Variants in TTC14 observed in about 807,000 individuals in gnomAD.
The protein encoded by TTC14 is tetratricopeptide repeat domain 14.
A neutral mutation model predicts 79.9 loss-of-function variants in TTC14; 63 were observed. That is an observed-to-expected ratio of 0.79 (90% CI 0.64 to 0.97). The LOEUF is 0.97. TTC14 is among the 50% of genes least tolerant of loss of function. TTC14 has a pLI of 0.00. For synonymous variants in TTC14, 335 were observed against 309.6 expected (o/e 1.08, Z -0.86); for missense variants, 895 against 894.0 (o/e 1.00, Z -0.01).
rs773189907 is a variant in TTC14, at chr3:180,603,180, C to A, written c.343C>A (p.Arg115=). The change falls in exon 3 of 12, where the codon CGG becomes AGG. Residue 115 remains arginine, a synonymous_variant. Transcript: ENST00000296015. The part of the protein sequence containing the change: ...EQFMEIPSMD[R]RELFFRDIER... ...ATTCATGGAGATACCTAGTATGGAT[C>A]GGAGAGAGCTGTTTTTCCGAGATAT... is the stretch of plus-strand genomic sequence containing the variant. 8 of 1,613,646 alleles carry A rather than the reference C, an allele frequency of 5.0e-6. No homozygotes were observed. In the African/African-American group the frequency reaches 9.4e-5, roughly 19 times the overall value.
intron 12 of TTC14, chr3:180,616,763 A>G: frequency 1.3e-6 from 2 of 1,582,930 alleles, no homozygotes; most frequent in Non-Finnish European, 1.7e-6. Context: ...TTAATAGATG[A>G]AGGAGGATTT....
downstream of TTC14, chr3:180,613,852 CT>C (rs1202356455): frequency 4.4e-6 from 2 of 455,224 alleles, no homozygotes; most frequent in South Asian, 1.6e-5. Context: ...TTTGCTATGC[CT>C]TTTTCCTATT....
rs1348433557 is a variant in TTC14, at chr3:180,608,539, A to G, written c.1291-162A>G. ...ATGACTAATGCCAAACATCTGTATG[A>G]CTAATTTTTTTATGTTAAAAAAATA... is the stretch of plus-strand genomic sequence containing the variant. On this transcript the variant is annotated intron_variant, in intron 10 of 11. Coordinates refer to ENST00000296015, the MANE Select transcript of TTC14 (RefSeq NM_133462.4). The G allele has an allele frequency of 2.2e-5, 28 of 1,247,878 alleles. 1 individual carries two copies. The highest frequency in any genetic ancestry group is 2.3e-5 in the Non-Finnish European group (23 of 984,886). 77.3% of individuals were successfully genotyped at this position (1,247,878 alleles called of 1,614,324 possible).
In TTC14 at chr3:180,607,639, C is replaced by T; in HGVS notation, c.1173-9C>T. 2 of 1,594,742 alleles carry T rather than the reference C, an allele frequency of 1.3e-6. No individual in the cohort carries two copies. The highest frequency in any genetic ancestry group is 1.7e-6 in the Non-Finnish European group (2 of 1,173,142). ...TTACAAAAAAGCTAAATCTTTCTTT[C>T]AAATTTAGGTTAGAAGAAGAAGAAA... On this transcript the variant is annotated splice_polypyrimidine_tract_variant and intron_variant, in intron 9 of 11. Transcript: ENST00000296015.
chr3:180,613,997 A>G (rs1717120814), downstream of TTC14: 1 of 365,732 alleles, frequency 2.7e-6, no homozygotes, highest in South Asian at 2.1e-5. Context: ...AAGGAGACAC[A>G]TGTACATTCG....
intron 12 of TTC14, chr3:180,617,341 T>G (rs1717283543): frequency 1.2e-5 from 6 of 509,966 alleles, no homozygotes. Context: ...ATTACTGATT[T>G]ATGTATTTAC....
intron 3 of TTC14, chr3:180,604,022 A>T: frequency 1.7e-6 from 1 of 575,812 alleles, no homozygotes; most frequent in East Asian, 2.9e-5. Flanking sequence ...AAGTTTCATG[A>T]GATTTTAGTT....
rs763077135 is a variant in TTC14 at position 180,609,742 on chromosome 3, CATA to C, written c.1515_1517del (p.His505_Lys506delinsGln). ...TTCTGGTCACAAAAGGCATAAGAAACATAAGAGGAACCGTTCAGAGTCTTCTCG... is the reference window on the plus strand; with the variant it reads ...TTCTGGTCACAAAAGGCATAAGAAACAGAGGAACCGTTCAGAGTCTTCTCG... On this transcript the variant is annotated inframe_deletion, in exon 12 of 12. Coordinates refer to ENST00000296015, the MANE Select transcript of TTC14 (RefSeq NM_133462.4). 7.4e-6 allele frequency: 12 copies of C among 1,613,714 alleles called. No individual in the cohort carries two copies. The highest frequency in any genetic ancestry group is 1.0e-5 in the Non-Finnish European group (12 of 1,179,896).
intron 12 of TTC14, chr3:180,616,609 C>T: frequency 6.3e-7 from 1 of 1,597,188 alleles, no homozygotes; most frequent in East Asian, 2.2e-5. Flanking sequence ...GAAACTGTTT[C>T]ATTTCACGAA....
rs1343306407 is a variant in TTC14 at position 180,608,762 on chromosome 3, T to C, written c.1352T>C (p.Ile451Thr). 4 of 1,561,530 alleles carry C rather than the reference T, an allele frequency of 2.6e-6. No homozygotes were observed. The Admixed American group carries it at 6.1e-5, about 24-fold the overall frequency. ...GAAGAAAAGCAGAAAACAAAGAAAA[T>C]AGAAACAAGTGCAGAAAAGTTGCGT... ...EKEEKQKTKK[I>T]ETSAEKLRKL... Residue 451 changes from isoleucine (I) to threonine (T), a missense_variant, in exon 11 of 12, where the codon ATA (isoleucine) becomes ACA (threonine). Ile to Thr is a moderately conservative substitution (Grantham distance 89). Transcript: ENST00000296015.
intron 9 of TTC14, among the ~76,000 whole-genome samples, chr3:180,607,345 A>G (rs1468333259): frequency 6.6e-6 from 1 of 152,156 alleles, no homozygotes; most frequent in Non-Finnish European, 1.5e-5. Flanking sequence ...TGCTGGTATA[A>G]TTCTGTGCTA....
intron 9 of TTC14, 147 bp downstream of exon 9, chr3:180,606,750 C>A: frequency 4.0e-6 from 4 of 996,600 alleles, no homozygotes; most frequent in African/African-American, 1.6e-5. Context: ...AGAGATTAGG[C>A]AAATACTCTT....
chr3:180,603,182 G>A lies in TTC14; in HGVS notation c.345G>A (p.Arg115=). ...TCATGGAGATACCTAGTATGGATCG[G>A]AGAGAGCTGTTTTTCCGAGATATTG... ...EQFMEIPSMD[R]RELFFRDIER... The change falls in exon 3 of 12, where the codon CGG becomes CGA. Residue 115 remains arginine, a synonymous_variant. Transcript: ENST00000296015. 1 of 1,614,054 alleles carries A rather than the reference G, an allele frequency of 6.2e-7. No homozygotes were observed. Among genetic ancestry groups the A allele is most frequent in the Non-Finnish European group, 8.5e-7 (1 of 1,180,022 alleles).
chr3:180,605,560 C>T lies in TTC14; in HGVS notation c.858-206C>T, dbSNP rs148683615. On this transcript the variant is annotated intron_variant, in intron 6 of 11. Coordinates refer to ENST00000296015, the MANE Select transcript of TTC14 (RefSeq NM_133462.4). ...CCTCCCAAAGTGTTGGGATTACAGG[C>T]GTGAGCCACCGCACCTGGCCAAGAA... is the stretch of plus-strand genomic sequence containing the variant. 341 of 428,778 alleles carry T rather than the reference C, an allele frequency of 8.0e-4. 1 individual carries two copies. The East Asian group carries it at 8.6e-3, about 11-fold the overall frequency. The allele number at this position is 428,778 out of a possible 1,614,324, so 26.6% of individuals were successfully genotyped here. A position where few individuals can be genotyped will look rare whatever the true frequency, so the allele number is the denominator to read the frequency against.
At position 180,605,682 on chromosome 3, in the gene TTC14, T is replaced by C. The variant is rs1052919626; in HGVS notation, c.858-84T>C. The C allele has an allele frequency of 3.3e-6, 3 of 915,302 alleles. No homozygotes were observed. In the East Asian group the frequency reaches 9.0e-5, roughly 27 times the overall value. The allele number at this position is 915,302 out of a possible 1,614,324, so 56.7% of individuals were successfully genotyped here. A position where few individuals can be genotyped will look rare whatever the true frequency, so the allele number is the denominator to read the frequency against. ...TTGCTTGGGATTCATACTTTCACTGTCGAGTGCCTGTCAAGCAGAGTTAAG... is the reference window on the plus strand; with the variant it reads ...TTGCTTGGGATTCATACTTTCACTGCCGAGTGCCTGTCAAGCAGAGTTAAG... On this transcript the variant is annotated intron_variant, in intron 6 of 11. Coordinates refer to ENST00000296015, the MANE Select transcript of TTC14 (RefSeq NM_133462.4).
At chr3:180,609,092 G>C in intron 11 of TTC14, 1 of 883,886 alleles carries the variant, frequency 1.1e-6, no homozygotes, top group Non-Finnish European at 1.4e-6. Flanking sequence ...AACTAGAGCA[G>C]TGGTTCTCAA....
intron 11 of TTC14, 157 bp from the exon 12 acceptor site, chr3:180,609,473 T>G: frequency 1.5e-6 from 2 of 1,317,074 alleles, no homozygotes; most frequent in Admixed American, 3.6e-5. Context: ...AAGTGCTTAA[T>G]AGTAAAATTA....
chr3:180,617,606 C>A (rs1184931935), exon 13 of TTC14: 3 of 409,426 alleles, frequency 7.3e-6, no homozygotes, highest in Admixed American at 4.3e-5. Flanking sequence ...TAGTTTTTAA[C>A]AAAAAAATTA....
chr3:180,602,342 C>T lies in TTC14; in HGVS notation c.81C>T (p.Asp27=). The change falls in exon 1 of 12, where the codon GAC becomes GAT. Residue 27 remains aspartate, a synonymous_variant. Transcript: ENST00000296015. The part of the protein sequence containing the change: ...LLSLLRSEQQ[D]NPHFRSLLGS... Reference sequence around the variant, plus strand: ...CTCTACTTCGGAGCGAACAGCAGGACAATCCACACTTCCGTAGCCTCCTGG... The same window carrying T: ...CTCTACTTCGGAGCGAACAGCAGGATAATCCACACTTCCGTAGCCTCCTGG... 1 of 1,613,488 alleles carries T rather than the reference C, an allele frequency of 6.2e-7. No individual in the cohort carries two copies. The highest frequency in any genetic ancestry group is 8.5e-7 in the Non-Finnish European group (1 of 1,179,956).
Sources: gnomAD v4.1 joint callset for allele counts (sites outside exome capture counted in the v4.1 genomes callset) on GRCh38, gnomAD v4.1.1 for gene constraint, MANE v1.5 for transcripts, NCBI Gene and HGNC (gene_info 2026-07-23, HGNC 2026-07-21) for gene names.